Variants in GSE1 observed in about 807,000 individuals in gnomAD.
The protein encoded by GSE1 is genetic suppressor element 1.
Under a neutral mutation model 112.6 loss-of-function variants are expected in GSE1, and 32 were observed. The ratio of observed to expected loss-of-function variants is 0.28; its 90% CI spans 0.21 to 0.38. The LOEUF is 0.38. Ranked by LOEUF, GSE1 falls within the 10% of genes least tolerant of loss-of-function variation. The pLI, the probability that GSE1 is intolerant of heterozygous loss-of-function variation, is 1.00. For synonymous variants in GSE1, 1,115 were observed against 735.6 expected, an observed-to-expected ratio of 1.52 and a Z score of -8.35; for missense variants, 2,348 against 1,699.2, an observed-to-expected ratio of 1.38 and a Z score of -6.71.
chr16:85,551,062 C>T (rs896752436), upstream of GSE1, among the ~76,000 whole-genome samples: 2 of 152,192 alleles, frequency 1.3e-5, no homozygotes, highest in South Asian at 4.1e-4. Context: ...GAGTTTGCCC[C>T]TTGGCGTCCC....
chr16:85,615,008 C>T (rs571344045), intron 1 of GSE1, among the ~76,000 whole-genome samples: 23 of 152,216 alleles, frequency 1.5e-4, no homozygotes, highest in Non-Finnish European at 2.6e-4. Context: ...TCGGCCGTCT[C>T]GTCCTCTCCT....
chr16:85,394,944 A>T (rs906558203), intron 2 of GSE1, among the ~76,000 whole-genome samples: 1 of 152,146 alleles, frequency 6.6e-6, no homozygotes, highest in African/African-American at 2.4e-5. Context: ...GGCTAGAGGC[A>T]TCCAGGGAAG....
intron 1 of GSE1, among the ~76,000 whole-genome samples, chr16:85,324,743 G>A (rs866391303): frequency 6.6e-6 from 1 of 152,102 alleles, no homozygotes; most frequent in African/African-American, 2.4e-5. Flanking sequence ...TGTCCAATAG[G>A]CAAATCCACA....
intron 2 of GSE1, among the ~76,000 whole-genome samples, chr16:85,394,686 A>AT (rs2047927648): frequency 6.6e-6 from 1 of 152,050 alleles, no homozygotes; most frequent in South Asian, 2.1e-4. Context: ...CTGGGGATTC[A>AT]TATTAGCTCA....
intron 1 of GSE1, among the ~76,000 whole-genome samples, chr16:85,172,635 G>A (rs1234267552): frequency 2.0e-5 from 3 of 152,378 alleles, no homozygotes; most frequent in South Asian, 4.1e-4. Context: ...TCACCAACCC[G>A]GCCACCGGGG....
At chr16:85,514,686 TCCAGGATGGAGGTTTC>T (rs911636981) in intron 2 of GSE1, among the ~76,000 whole-genome samples, 26 of 152,092 alleles carry the variant, frequency 1.7e-4, no homozygotes, top group African/African-American at 5.8e-4. Context: ...AACCTCTCAT[TCCAGGATGGAGGTTTC>T]CCAAGTCCAG....
chr16:85,440,727 C>T (rs28499043), intron 2 of GSE1, among the ~76,000 whole-genome samples: 118,971 of 152,186 alleles, frequency 0.78, 46,821 homozygotes, highest in African/African-American at 0.87. Context: ...GGAACCATCA[C>T]GGGGGCACAG....
chr16:85,618,494 G>C (rs929502965), intron 1 of GSE1, among the ~76,000 whole-genome samples: 1 of 152,204 alleles, frequency 6.6e-6, no homozygotes, highest in Non-Finnish European at 1.5e-5. Context: ...TGCTTAGCCT[G>C]TGTGACCTCA....
At position 85,311,894 on chromosome 16, in the gene GSE1, A is replaced by G. The variant is rs2045858199; in HGVS notation, c.2284-45569A>G. 6.6e-6 allele frequency among the ~76,000 whole-genome samples: 1 copy of G among 152,098 alleles called. No individual in the cohort carries two copies. The highest frequency in any genetic ancestry group is 1.5e-5 in the Non-Finnish European group (1 of 67,990). The stretch of plus-strand genomic sequence containing the variant: ...GCGTCTGTGTTTCATGAGGGTTGTG[A>G]AGTCCCTGCCTTCCCGGGTTCCCTC... On this transcript the variant is annotated intron_variant, in intron 1 of 2. Transcript: ENST00000637419. The surrounding 1 kb of genome is among the most constrained non-coding windows in gnomAD (Gnocchi z 4.2).
chr16:85,290,414 T>C (rs1314349108), intron 1 of GSE1, among the ~76,000 whole-genome samples: 1 of 152,162 alleles, frequency 6.6e-6, no homozygotes, highest in African/African-American at 2.4e-5. Context: ...TCAAATGACA[T>C]GTAAGCAGTT....
At chr16:85,274,367 G>A (rs115275046) in intron 1 of GSE1, among the ~76,000 whole-genome samples, 2,544 of 152,080 alleles carry the variant, frequency 0.017, 74 homozygotes, top group African/African-American at 0.059. Flanking sequence ...CCTGGGTGAC[G>A]AGAAACTCCA....
intron 2 of GSE1, among the ~76,000 whole-genome samples, chr16:85,421,062 G>C (rs912853234): frequency 1.3e-5 from 2 of 152,358 alleles, no homozygotes; most frequent in East Asian, 3.9e-4. Flanking sequence ...TATTACCCGG[G>C]GGCGTTGGGA....
At chr16:85,477,584 G>C (rs1361205917) in intron 2 of GSE1, among the ~76,000 whole-genome samples, 1 of 135,622 alleles carries the variant, frequency 7.4e-6, no homozygotes, top group Non-Finnish European at 1.6e-5. Flanking sequence ...TTTTTGAGAT[G>C]GAGTCTCGCT....
At chr16:85,630,320 G>A (rs938546896) in intron 1 of GSE1, among the ~76,000 whole-genome samples, 1 of 152,308 alleles carries the variant, frequency 6.6e-6, no homozygotes, top group Middle Eastern at 3.4e-3. Context: ...TCTACCTCTT[G>A]AAAGGATGAC....
rs535023478 is a variant in GSE1 at position 85,223,884 on chromosome 16, C to T, written c.2283+52077C>T. Among the ~76,000 whole-genome samples the T allele has an allele frequency of 7.2e-5, 11 of 152,226 alleles. No individual in the cohort carries two copies. In the South Asian group the frequency reaches 1.7e-3, roughly 23 times the overall value. On this transcript the variant is annotated intron_variant, in intron 1 of 2. Coordinates refer to the GSE1 transcript ENST00000637419. ...CCCCTCAAGGTGCTGGGATTACCGG[C>T]GTGAGCGACCTCATTTGGCCCACCA...
chr16:85,256,369 A>G (rs528635744), intron 1 of GSE1, among the ~76,000 whole-genome samples: 107 of 152,382 alleles, frequency 7.0e-4, no homozygotes, highest in African/African-American at 2.3e-3. Flanking sequence ...AACAGTCAGC[A>G]CTTAGGAGCA....
chr16:85,441,370 C>T (rs2049372385), intron 2 of GSE1, among the ~76,000 whole-genome samples: 1 of 152,266 alleles, frequency 6.6e-6, no homozygotes, highest in Non-Finnish European at 1.5e-5. Context: ...AAACAGGGGA[C>T]GTGGTCTGGC....
chr16:85,640,682 G>A (rs140867392), intron 2 of GSE1, among the ~76,000 whole-genome samples: 2,503 of 152,350 alleles, frequency 0.016, 31 homozygotes, highest in Non-Finnish European at 0.02. Flanking sequence ...CGGCCTGGGC[G>A]GGGGAGAGGC....
At chr16:85,484,387 A>C (rs902148189) in intron 2 of GSE1, among the ~76,000 whole-genome samples, 33 of 152,226 alleles carry the variant, frequency 2.2e-4, no homozygotes, top group African/African-American at 7.0e-4. Context: ...ATTAGTTTTT[A>C]AAAATTAGTT....
Sources: allele counts gnomAD v4.1 joint callset (sites outside exome capture counted in the v4.1 genomes callset), GRCh38; gene constraint gnomAD v4.1.1; non-coding constraint Gnocchi (gnomAD v3.1); transcripts MANE v1.5; gene names NCBI Gene and HGNC (gene_info 2026-07-23, HGNC 2026-07-21).